Variants in UBE4B observed in about 807,000 individuals in gnomAD.
UBE4B encodes the protein ubiquitination factor E4B.
In UBE4B, 27 loss-of-function variants were observed where a neutral mutation model predicts 148.1. That is an observed-to-expected ratio of 0.18 (90% CI 0.13 to 0.25). The LOEUF (loss-of-function observed/expected upper bound fraction) is 0.25, where lower values mean the gene tolerates loss of function less well. Ranked by LOEUF, UBE4B falls within the 10% of genes least tolerant of loss-of-function variation. UBE4B has a pLI of 1.00. For missense variants in UBE4B, 1,170 were observed against 1,662.4 expected (o/e 0.70, Z 5.15); for synonymous variants, 596 against 619.3 (o/e 0.96, Z 0.56).
chr1:10,161,516 T>G lies in UBE4B; in HGVS notation c.3198+230T>G, dbSNP rs908805602. ...CTTTGAAAATGTACACTGAAAACTT[T>G]CTCTGCCTTTTTAATTTTAAAGGGC... On this transcript the variant is annotated intron_variant, in intron 23 of 27. Coordinates refer to ENST00000343090, the MANE Select transcript of UBE4B (RefSeq NM_001105562.3). The surrounding 1 kb of genome is among the most constrained non-coding windows in gnomAD (Gnocchi z 4.1). Among the ~76,000 whole-genome samples the G allele has an allele frequency of 2.0e-5, 3 of 152,220 alleles. No individual in the cohort carries two copies. Among genetic ancestry groups the G allele is most frequent in the Admixed American group, 1.3e-4 (2 of 15,272 alleles).
intron 4 of UBE4B, among the ~76,000 whole-genome samples, chr1:10,102,391 CTTTTTTTTTTTTTTTTTTTTTTT>C (rs33997625): frequency 1.9e-5 from 1 of 51,544 alleles, no homozygotes. Flanking sequence ...TGACTTTGCT[CTTTTTTTTTTTTTTTTTTTTTTT>C]TTTTTTTTTT....
chr1:10,033,418 G>C lies in UBE4B; in HGVS notation c.-253G>C. 2.6e-6 allele frequency: 1 copy of C among 378,938 alleles called. No individual in the cohort carries two copies. Among genetic ancestry groups the C allele is most frequent in the East Asian group, 3.8e-5 (1 of 26,174 alleles). The allele number at this position is 378,938 out of a possible 1,614,324, so 23.5% of individuals were successfully genotyped here. A position where few individuals can be genotyped will look rare whatever the true frequency, so the allele number is the denominator to read the frequency against. On this transcript the variant is annotated 5_prime_UTR_variant, in exon 1 of 28. Transcript: ENST00000343090. ...TTAAGACAACCCTGTAGCAGCAGCA[G>C]TGGCGGCCAAAGGAGGCTGCTCAGG...
intron 14 of UBE4B, among the ~76,000 whole-genome samples, chr1:10,132,047 T>C (rs922320948): frequency 2.0e-4 from 31 of 152,126 alleles, no homozygotes; most frequent in African/African-American, 7.2e-4. Flanking sequence ...GGAGAATGGC[T>C]TGAACCTGGG....
chr1:10,058,607 A>C (rs1200032851), intron 1 of UBE4B: 1 of 152,356 alleles, frequency 6.6e-6, no homozygotes, highest in Non-Finnish European at 1.5e-5. Context: ...GGCAGTGGGG[A>C]CTCTGGAATC....
At chr1:10,097,914 A>T (rs1473642664) in intron 3 of UBE4B, among the ~76,000 whole-genome samples, 1 of 152,054 alleles carries the variant, frequency 6.6e-6, no homozygotes, top group Non-Finnish European at 1.5e-5. Context: ...TCTGTCTCCC[A>T]TACTGGAATG....
intron 7 of UBE4B, among the ~76,000 whole-genome samples, chr1:10,113,273 C>CG (rs1284648393): frequency 6.6e-6 from 1 of 152,176 alleles, no homozygotes; most frequent in African/African-American, 2.4e-5. Context: ...TGAGTGAGAA[C>CG]TCACTCATCA....
chr1:10,126,693 G>A (rs1645504409), intron 10 of UBE4B, 101 bp from the exon 11 acceptor site: 3 of 1,002,786 alleles, frequency 3.0e-6, no homozygotes, highest in Non-Finnish European at 4.5e-6. Flanking sequence ...CCTGGGGAAG[G>A]AATGAAATTT....
intron 6 of UBE4B, 41 bp downstream of exon 6, chr1:10,105,785 T>C (rs1236744766): frequency 6.3e-7 from 1 of 1,582,036 alleles, no homozygotes; most frequent in Admixed American, 1.7e-5. Flanking sequence ...GGTAGTAAAA[T>C]AACTGTGAAC....
chr1:10,125,959 C>G (rs200486578), intron 10 of UBE4B, among the ~76,000 whole-genome samples: 1 of 152,128 alleles, frequency 6.6e-6, no homozygotes, highest in African/African-American at 2.4e-5. Context: ...GATTGTTGGC[C>G]TGTTTATCTT....
chr1:10,059,376 C>A, intron 1 of UBE4B: 3 of 196,012 alleles, frequency 1.5e-5, no homozygotes, highest in South Asian at 2.0e-4. Flanking sequence ...ACACTATTGT[C>A]AGAGCTCTGC....
chr1:10,162,005 T>C (rs1457991622), intron 23 of UBE4B, among the ~76,000 whole-genome samples: 1 of 151,606 alleles, frequency 6.6e-6, no homozygotes. Context: ...TTTTCTTTTT[T>C]TTTTTTTTTT....
intron 8 of UBE4B, among the ~76,000 whole-genome samples, chr1:10,118,786 G>A (rs150753108): frequency 0.028 from 4,168 of 147,282 alleles, 187 homozygotes; most frequent in African/African-American, 0.099. Flanking sequence ...TTACAAGTGT[G>A]AACCACTGCA....
intron 2 of UBE4B, among the ~76,000 whole-genome samples, chr1:10,082,757 T>C (rs1182413896): frequency 6.6e-6 from 1 of 151,662 alleles, no homozygotes; most frequent in Non-Finnish European, 1.5e-5. Flanking sequence ...ATCATCTAGA[T>C]TTTAAGCCTC....
chr1:10,074,345 CTT>C lies in UBE4B; in HGVS notation c.211+2141_211+2142del, dbSNP rs36052900. On this transcript the variant is annotated intron_variant, in intron 2 of 27. Coordinates refer to ENST00000343090, the MANE Select transcript of UBE4B (RefSeq NM_001105562.3). ...CATCAGATTTTCCATCTCATATGGC[CTT>C]TTTTTTTTTAACAGCCTATATAATG... Among the ~76,000 whole-genome samples, 700 of 146,738 alleles carry C rather than the reference CTT, an allele frequency of 4.8e-3. 4 individuals carry two copies. The highest frequency in any genetic ancestry group is 0.011 in the Middle Eastern group (3 of 282).
At position 10,161,345 on chromosome 1, in the gene UBE4B, G is replaced by T; in HGVS notation, c.3198+59G>T. On this transcript the variant is annotated intron_variant, in intron 23 of 27. Transcript: ENST00000343090. This position sits in a 1 kb window ranked among gnomAD's most constrained non-coding sequence, Gnocchi z 4.1. The stretch of plus-strand genomic sequence containing the variant: ...GCAGGCCATCTGCCTCCACACACGG[G>T]CAGAGCTGCTTTGGGGCTGCATTTG... 6.3e-7 allele frequency: 1 copy of T among 1,582,210 alleles called. No homozygotes were observed.
At chr1:10,162,782 C>T (rs1646186621) in intron 23 of UBE4B, among the ~76,000 whole-genome samples, 1 of 152,078 alleles carries the variant, frequency 6.6e-6, no homozygotes, top group South Asian at 2.1e-4. Flanking sequence ...TCACTCCTCC[C>T]TCACTCCCCT....
chr1:10,171,005 G>A lies in UBE4B; in HGVS notation c.3334-133G>A, dbSNP rs1417259830. 4.6e-6 allele frequency: 4 copies of A among 870,882 alleles called. No individual in the cohort carries two copies. The African/African-American group carries it at 5.0e-5, about 11-fold the overall frequency. The allele number at this position is 870,882 out of a possible 1,614,324, so 53.9% of individuals were successfully genotyped here. Reference sequence around the variant, plus strand: ...ATAATGTTGTCTTTCTTCAGCTTATGATACACAGCACCTGTAAGGATTCTT... The same window carrying A: ...ATAATGTTGTCTTTCTTCAGCTTATAATACACAGCACCTGTAAGGATTCTT... On this transcript the variant is annotated intron_variant, in intron 24 of 27. Transcript: ENST00000343090.
At chr1:10,162,362 A>T (rs1209148912) in intron 23 of UBE4B, among the ~76,000 whole-genome samples, 1 of 151,776 alleles carries the variant, frequency 6.6e-6, no homozygotes, top group African/African-American at 2.4e-5. Flanking sequence ...TTTAGTAGAG[A>T]TGGGGTTTCA....
At position 10,171,296 on chromosome 1, in the gene UBE4B, T is replaced by C; in HGVS notation, c.3492T>C (p.Cys1164=). ...QLTDIYLQLD[C]ARFAKAIADD... Reference sequence around the variant, plus strand: ...CGGATATTTACTTACAGCTGGACTGTGCTCGGTTCGCGAAAGCCATTGCTG... The same window carrying C: ...CGGATATTTACTTACAGCTGGACTGCGCTCGGTTCGCGAAAGCCATTGCTG... The change falls in exon 25 of 28, where the codon TGT becomes TGC. Residue 1164 remains cysteine (C), a synonymous_variant. Transcript: ENST00000343090. 6.2e-7 allele frequency: 1 copy of C among 1,614,052 alleles called. No homozygotes were observed.
Sources: gnomAD v4.1 joint callset for allele counts (sites outside exome capture counted in the v4.1 genomes callset) on GRCh38, gnomAD v4.1.1 for gene constraint, Gnocchi (gnomAD v3.1) non-coding constraint, MANE v1.5 for transcripts, NCBI Gene and HGNC (gene_info 2026-07-23, HGNC 2026-07-21) for gene names.